NOP56: variants seen among roughly 807,000 people sequenced by gnomAD.
NOP56 encodes the protein NOP56 ribonucleoprotein.
A neutral mutation model predicts 58.3 loss-of-function variants in NOP56; 31 were observed. The ratio of observed to expected loss-of-function variants is 0.53; its 90% CI spans 0.40 to 0.72. The LOEUF (loss-of-function observed/expected upper bound fraction) is 0.72, where lower values mean the gene tolerates loss of function less well. NOP56 is among the 30% of genes least tolerant of loss of function. The pLI, the probability that NOP56 is intolerant of heterozygous loss-of-function variation, is 0.00. For synonymous variants in NOP56, 313 were observed against 282.8 expected, an observed-to-expected ratio of 1.11 and a Z score of -1.07; for missense variants, 669 against 739.9, an observed-to-expected ratio of 0.90 and a Z score of 1.11.
At position 2,652,901 on chromosome 20, in the gene NOP56, A is replaced by G. The variant is rs563375122; in HGVS notation, c.63A>G (p.Glu21=). 6.2e-7 allele frequency: 1 copy of G among 1,609,634 alleles called. No individual in the cohort carries two copies. The highest frequency in any genetic ancestry group is 2.2e-5 in the East Asian group (1 of 44,540). The part of the protein sequence containing the change: ...AVGYALLALK[E]VEEISLLQPQ... ...GCTACGCGCTGCTGGCGCTGAAGGA[A>G]GTGGAGGAGATCAGTCTGCTGCAGC... The change falls in exon 2 of 12, where the codon GAA becomes GAG. Residue 21 remains glutamate (E), a synonymous_variant. Coordinates refer to ENST00000329276, the MANE Select transcript of NOP56 (RefSeq NM_006392.4).
In NOP56 at chr20:2,657,172, C is replaced by T. The variant is rs763810400; in HGVS notation, c.1373C>T (p.Ala458Val). ...KKEKKRLAAL[A>V]LASSENSSST... ...GAAAAGAAACGGCTGGCTGCACTTG[C>T]CCTCGCGTCTTCAGAAAACAGCAGT... Residue 458 changes from alanine (A) to valine (V), a missense_variant, in exon 11 of 12, where the codon GCC becomes GTC. Around this residue, in one of 3 missense-constraint regions of NOP56, gnomAD observed 209 missense variants for 196.2 expected, o/e 1.07. Coordinates refer to ENST00000329276, the MANE Select transcript of NOP56 (RefSeq NM_006392.4). 14 of 1,614,112 alleles carry T rather than the reference C, an allele frequency of 8.7e-6. No homozygotes were observed. In the South Asian group the frequency reaches 1.5e-4, roughly 18 times the overall value.
intron 8 of NOP56, 104 bp from the exon 9 acceptor site, chr20:2,656,297 G>A: frequency 1.2e-6 from 2 of 1,604,492 alleles, no homozygotes; most frequent in East Asian, 2.2e-5. Context: ...TCTGGCCTGA[G>A]GCTCACTCAG....
At position 2,655,685 on chromosome 20, in the gene NOP56, C is replaced by G; in HGVS notation, c.848C>G (p.Thr283Ser). ...TCTGAATACCGCCAGAGCCTACACA[C>G]TTACCTGCGCTCCAAGATGAGCCAA... ...SLSEYRQSLH[T>S]YLRSKMSQVA... The change falls in exon 7 of 12, where the codon ACT (threonine) becomes AGT (serine). Residue 283 changes from threonine to serine, a missense_variant. Transcript: ENST00000329276. The G allele has an allele frequency of 6.2e-7, 1 of 1,614,216 alleles. No homozygotes were observed. Among genetic ancestry groups the G allele is most frequent in the Non-Finnish European group, 8.5e-7 (1 of 1,180,038 alleles).
chr20:2,656,930 G>C (rs751844700), intron 10 of NOP56, 35 bp downstream of exon 10: 45 of 1,613,936 alleles, frequency 2.8e-5, no homozygotes, highest in Middle Eastern at 1.6e-4. Context: ...GAGTGGCATA[G>C]CTAGCTGTTG....
intron 7 of NOP56, 53 bp from the exon 8 acceptor site, chr20:2,655,881 C>T: frequency 6.2e-7 from 1 of 1,612,378 alleles, no homozygotes; most frequent in African/African-American, 1.3e-5. Context: ...TGTCGTGCAA[C>T]TGGGCAGGTC....
intron 1 of NOP56, 64 bp from the exon 2 acceptor site, chr20:2,652,778 C>T: frequency 6.4e-7 from 1 of 1,562,278 alleles, no homozygotes; most frequent in South Asian, 1.2e-5. Flanking sequence ...TGCGCCTGCC[C>T]TGGGAACGGG....
chr20:2,652,647 CG>C lies in NOP56; in HGVS notation c.-11del. 1.4e-6 allele frequency: 2 copies of C among 1,422,140 alleles called. No individual in the cohort carries two copies. The highest frequency in any genetic ancestry group is 9.1e-7 in the Non-Finnish European group (1 of 1,095,952). The allele number at this position is 1,422,140 out of a possible 1,614,324, so 88.1% of individuals were successfully genotyped here. A position where few individuals can be genotyped will look rare whatever the true frequency, so the allele number is the denominator to read the frequency against. Reference sequence around the variant, plus strand: ...CGCTAGCCGCATTGCGAGCCGAACCCGGGAGCTGGCGCCATGGTGAGGAGTG... The same window carrying C: ...CGCTAGCCGCATTGCGAGCCGAACCCGGAGCTGGCGCCATGGTGAGGAGTG... On this transcript the variant is annotated 5_prime_UTR_variant, in exon 1 of 12. Transcript: ENST00000329276.
In NOP56 at chr20:2,652,641, CG is replaced by C; in HGVS notation, c.-19del. 1 of 1,411,106 alleles carries C rather than the reference CG, an allele frequency of 7.1e-7. No individual in the cohort carries two copies. Among genetic ancestry groups the C allele is most frequent in the Non-Finnish European group, 9.2e-7 (1 of 1,090,496 alleles). 87.4% of individuals were successfully genotyped at this position (1,411,106 alleles called of 1,614,324 possible). On this transcript the variant is annotated 5_prime_UTR_variant, in exon 1 of 12. Transcript: ENST00000329276. ...GGAGCGCGCTAGCCGCATTGCGAGC[CG>C]AACCCGGGAGCTGGCGCCATGGTGA...
Position 2,655,638 on chromosome 20 carries a change from C to A in NOP56, c.801C>A (p.Phe267Leu). ...TTGACTTGATAAACATCGAGAGCTT[C>A]TCCAGTCGTGTGGTGTCTTTATCTG... ...SAIDLINIES[F>L]SSRVVSLSEY... Residue 267 changes from phenylalanine to leucine, a missense_variant, in exon 7 of 12, where the codon TTC (phenylalanine) becomes TTA (leucine). Phe to Leu is a conservative substitution (Grantham distance 22). Transcript: ENST00000329276. The A allele has an allele frequency of 1.2e-6, 2 of 1,614,210 alleles. No homozygotes were observed.
In NOP56 at chr20:2,654,900, C is replaced by T. The variant is rs751043567; in HGVS notation, c.522C>T (p.Leu174=). The T allele has an allele frequency of 6.2e-6, 10 of 1,614,102 alleles. No homozygotes were observed. The highest frequency in any genetic ancestry group is 1.7e-5 in the Admixed American group (1 of 60,006). Residue 174 remains leucine (L), a synonymous_variant, in exon 5 of 12, where the codon CTC becomes CTT. Transcript: ENST00000329276. ...VDNMIIQSIS[L]LDQLDKDINT... ...ATATGATCATCCAGTCCATTAGCCT[C>T]CTGGACCAGCTGGATAAGGACATCA... is the stretch of plus-strand genomic sequence containing the variant.
At chr20:2,655,045 A>G in intron 5 of NOP56, 98 bp downstream of exon 5, 2 of 1,467,992 alleles carry the variant, frequency 1.4e-6, no homozygotes, top group South Asian at 1.1e-5. Context: ...GGGTAGAACC[A>G]TGTGGGCTGG....
chr20:2,656,620 G>A (rs2086822214), intron 9 of NOP56, 71 bp downstream of exon 9: 1 of 1,608,238 alleles, frequency 6.2e-7, no homozygotes, highest in African/African-American at 1.3e-5. Context: ...TGCAACCATA[G>A]CTTCCACAAT....
rs766652504 is a variant in NOP56, at chr20:2,656,258, G to T, written c.1011-143G>T. On this transcript the variant is annotated intron_variant, in intron 8 of 11. Coordinates refer to ENST00000329276, the MANE Select transcript of NOP56 (RefSeq NM_006392.4). ...CTTCCCTCTGCCTCTGGGAGCTATG[G>T]GTTGGCATGCATTGGGGTAGAGATC... The T allele has an allele frequency of 1.3e-4, 202 of 1,605,940 alleles. 1 individual carries two copies. Among genetic ancestry groups the T allele is most frequent in the Non-Finnish European group, 1.7e-4 (197 of 1,178,710 alleles).
intron 2 of NOP56, 154 bp downstream of exon 2, chr20:2,653,085 C>T (rs1301157667): frequency 3.9e-6 from 3 of 777,574 alleles, no homozygotes; most frequent in Non-Finnish European, 6.2e-6. Context: ...TACCTTGACC[C>T]ATGGGTAGAA....
In NOP56 at chr20:2,654,868, G is replaced by A; in HGVS notation, c.490G>A (p.Val164Met). ...CAAAGTTAAGTTTAATGTGAACCGG[G>A]TGGACAATATGATCATCCAGTCCAT... The part of the protein sequence containing the change: ...RAKVKFNVNR[V>M]DNMIIQSISL... The change falls in exon 5 of 12, where the codon GTG becomes ATG. Residue 164 changes from valine (V) to methionine (M), a missense_variant. Val to Met is a conservative substitution (Grantham distance 21). Around this residue, in one of 3 missense-constraint regions of NOP56, gnomAD observed 339 missense variants for 430.5 expected, o/e 0.79. Transcript: ENST00000329276. 1.2e-6 allele frequency: 2 copies of A among 1,614,186 alleles called. No homozygotes were observed. The highest frequency in any genetic ancestry group is 1.1e-5 in the South Asian group (1 of 91,082).
chr20:2,654,069 G>T (rs1427045839), intron 3 of NOP56: 4 of 479,318 alleles, frequency 8.3e-6, no homozygotes, highest in Non-Finnish European at 1.7e-5. Context: ...AAGGGCAGTT[G>T]GGTAAACACA....
chr20:2,657,030 C>A, intron 10 of NOP56, 51 bp from the exon 11 acceptor site: 1 of 1,613,998 alleles, frequency 6.2e-7, no homozygotes, highest in Non-Finnish European at 8.5e-7. Context: ...AGAAAGGAGT[C>A]CTCAGAGCAC....
In NOP56 at chr20:2,652,660, C is replaced by A; in HGVS notation, c.-1C>A. 2 of 1,433,312 alleles carry A rather than the reference C, an allele frequency of 1.4e-6. No individual in the cohort carries two copies. 88.8% of individuals were successfully genotyped at this position (1,433,312 alleles called of 1,614,324 possible). On this transcript the variant is annotated 5_prime_UTR_variant, in exon 1 of 12. Coordinates refer to ENST00000329276, the MANE Select transcript of NOP56 (RefSeq NM_006392.4). ...GCGAGCCGAACCCGGGAGCTGGCGCCATGGTGAGGAGTGGTTGCGGGGCGC... is the reference window on the plus strand; with the variant it reads ...GCGAGCCGAACCCGGGAGCTGGCGCAATGGTGAGGAGTGGTTGCGGGGCGC...
Position 2,656,434 on chromosome 20 carries a change from T to C in NOP56, c.1044T>C (p.Tyr348=), listed in dbSNP as rs780197763. The C allele has an allele frequency of 1.9e-6, 3 of 1,614,036 alleles. No individual in the cohort carries two copies. Among genetic ancestry groups the C allele is most frequent in the Admixed American group, 3.3e-5 (2 of 59,994 alleles). The change falls in exon 9 of 12, where the codon TAT becomes TAC. Residue 348 remains tyrosine, a synonymous_variant. Transcript: ENST00000329276. ...ALKTRGNTPK[Y]GLIFHSTFIG... is the part of the protein sequence containing the mutation. ...AGACAAGGGGTAACACTCCAAAATA[T>C]GGACTCATTTTCCACTCCACCTTCA...
Sources: allele counts gnomAD v4.1 joint callset, GRCh38; gene constraint gnomAD v4.1.1; regional missense constraint gnomAD v4.1.1; transcripts MANE v1.5; gene names NCBI Gene and HGNC (gene_info 2026-07-23, HGNC 2026-07-21).